Variants in MGST2 observed in about 807,000 individuals in gnomAD.
MGST2 encodes glutathione peroxidase MGST2.
A neutral mutation model predicts 16.6 loss-of-function variants in MGST2; 9 were observed. That is an observed-to-expected ratio of 0.54 (90% CI 0.33 to 0.95). The LOEUF is 0.95. MGST2 is among the 40% of genes least tolerant of loss of function. The pLI is 0.03. For synonymous variants in MGST2, 79 were observed against 68.0 expected (o/e 1.16, Z -0.79); for missense variants, 159 against 175.1 (o/e 0.91, Z 0.52).
chr4:139,673,732 A>T (rs1293100569), intron 1 of MGST2, among the ~76,000 whole-genome samples: 1 of 152,110 alleles, frequency 6.6e-6, no homozygotes, highest in African/African-American at 2.4e-5. Flanking sequence ...AAAATTTGAG[A>T]TAGGGTCACA....
chr4:139,744,707 C>T (rs1212716877), downstream of MGST2, among the ~76,000 whole-genome samples: 2 of 152,208 alleles, frequency 1.3e-5, no homozygotes, highest in South Asian at 2.1e-4. Context: ...AGTGCAGCCA[C>T]GGCCCCTGTC....
At chr4:139,736,253 C>G (rs1391346547) in intron 5 of MGST2, among the ~76,000 whole-genome samples, 1 of 152,144 alleles carries the variant, frequency 6.6e-6, no homozygotes, top group Non-Finnish European at 1.5e-5. Flanking sequence ...CAACCTCTCA[C>G]CAGAATCCAG....
At chr4:139,712,079 A>T (rs1268248796) in intron 5 of MGST2, among the ~76,000 whole-genome samples, 1 of 152,092 alleles carries the variant, frequency 6.6e-6, no homozygotes, top group Non-Finnish European at 1.5e-5. Flanking sequence ...CTACACAAAG[A>T]GTATAGCAGT....
chr4:139,729,156 C>CAAAAAAAAAAAA (rs4057275), intron 5 of MGST2, among the ~76,000 whole-genome samples: 4 of 81,706 alleles, frequency 4.9e-5, no homozygotes, highest in African/African-American at 9.5e-5. Context: ...GGAACAAAAG[C>CAAAAAAAAAAAA]AAAAAAAAAA....
At chr4:139,671,716 A>C (rs545331295) in intron 1 of MGST2, among the ~76,000 whole-genome samples, 2 of 150,682 alleles carry the variant, frequency 1.3e-5, no homozygotes, top group Admixed American at 6.6e-5. Context: ...ATCTCGGCTC[A>C]CTGCAACCTC....
rs114016689 is a variant in MGST2, at chr4:139,711,559, G to C, written c.*48+7363G>C. Among the ~76,000 whole-genome samples the C allele has an allele frequency of 5.1e-3, 781 of 152,288 alleles. 6 individuals are homozygous for C. The highest frequency in any genetic ancestry group is 0.031 in the Middle Eastern group (9 of 294). ...TTGTAAACTCTCATGGCACTGGTGG[G>C]AGTGTAGCAGAGAGGAAGACCAGAG... On this transcript the variant is annotated intron_variant, in intron 5 of 5. Transcript: ENST00000616265.
chr4:139,667,453 G>A (rs1295804253), intron 1 of MGST2, among the ~76,000 whole-genome samples: 1 of 147,972 alleles, frequency 6.8e-6, no homozygotes, highest in Non-Finnish European at 1.5e-5. Context: ...GCAGGGGGCT[G>A]TGTGAACTGG....
the MGST2 span, among the ~76,000 whole-genome samples, chr4:139,748,740 C>T: frequency 7.5e-5 from 10 of 134,164 alleles, no homozygotes; most frequent in Admixed American, 6.4e-4. Flanking sequence ...ATGCAACTAG[C>T]TTTGGAAAGT....
At chr4:139,734,868 C>G (rs947854493) in intron 5 of MGST2, among the ~76,000 whole-genome samples, 3 of 152,260 alleles carry the variant, frequency 2.0e-5, no homozygotes, top group Admixed American at 6.5e-5. Context: ...GCTGGGGTGA[C>G]GGGGACCCCG....
chr4:139,680,879 T>C (rs1461831715), intron 2 of MGST2, among the ~76,000 whole-genome samples: 8 of 152,182 alleles, frequency 5.3e-5, no homozygotes, highest in Non-Finnish European at 7.3e-5. Context: ...GTTTGGAAAC[T>C]ATGGAAGCTT....
At chr4:139,681,468 T>C (rs1731237795) in intron 2 of MGST2, among the ~76,000 whole-genome samples, 1 of 152,188 alleles carries the variant, frequency 6.6e-6, no homozygotes, top group South Asian at 2.1e-4. Flanking sequence ...TAATTTTGGA[T>C]TTTTGTTCTT....
chr4:139,742,786 G>C (rs932528276), downstream of MGST2, among the ~76,000 whole-genome samples: 1 of 152,112 alleles, frequency 6.6e-6, no homozygotes, highest in Non-Finnish European at 1.5e-5. Flanking sequence ...CAGTATAATT[G>C]CCCTTGGGAA....
At chr4:139,716,987 G>GTGA (rs1183325052) in intron 5 of MGST2, 5 of 152,584 alleles carry the variant, frequency 3.3e-5, no homozygotes, top group Non-Finnish European at 7.3e-5. Flanking sequence ...TACCACTGCT[G>GTGA]TGATGATGAG....
intron 2 of MGST2, among the ~76,000 whole-genome samples, chr4:139,682,721 C>G (rs1191097950): frequency 6.6e-6 from 1 of 152,086 alleles, no homozygotes; most frequent in African/African-American, 2.4e-5. Context: ...ATTTAGAATT[C>G]CAGGCAAGAG....
intron 2 of MGST2, among the ~76,000 whole-genome samples, chr4:139,681,610 T>A (rs1309946248): frequency 1.3e-5 from 2 of 152,242 alleles, no homozygotes; most frequent in Non-Finnish European, 2.9e-5. Flanking sequence ...GTCACTTTTT[T>A]ATTTCATTGA....
chr4:139,669,603 A>C (rs1730561230), intron 1 of MGST2, among the ~76,000 whole-genome samples: 1 of 152,220 alleles, frequency 6.6e-6, no homozygotes, highest in Non-Finnish European at 1.5e-5. Context: ...TTTCTGCTGC[A>C]TGGAGAGGTA....
chr4:139,677,413 A>G (rs1198091093), intron 1 of MGST2, among the ~76,000 whole-genome samples: 1 of 152,016 alleles, frequency 6.6e-6, no homozygotes, highest in Non-Finnish European at 1.5e-5. Flanking sequence ...CTTCCAGGTC[A>G]TAGATAGATA....
chr4:139,692,336 C>T (rs767584577), intron 2 of MGST2, among the ~76,000 whole-genome samples: 9 of 152,238 alleles, frequency 5.9e-5, no homozygotes, highest in African/African-American at 1.2e-4. Context: ...CCCAGCACCC[C>T]GGTTCCCCAT....
chr4:139,711,545 C>A (rs1727742046), intron 5 of MGST2, among the ~76,000 whole-genome samples: 1 of 152,152 alleles, frequency 6.6e-6, no homozygotes, highest in Non-Finnish European at 1.5e-5. Context: ...TGTAAACTCT[C>A]ATGGCACTGG....
Sources: allele counts gnomAD v4.1 joint callset (sites outside exome capture counted in the v4.1 genomes callset), GRCh38; gene constraint gnomAD v4.1.1; transcripts MANE v1.5; gene names NCBI Gene and HGNC (gene_info 2026-07-23, HGNC 2026-07-21).